DCC: variants seen among roughly 807,000 people sequenced by gnomAD.
The protein encoded by DCC is netrin receptor DCC.
A neutral mutation model predicts 172.5 loss-of-function variants in DCC; 58 were observed. The ratio of observed to expected loss-of-function variants is 0.34; its 90% confidence interval spans 0.27 to 0.42. The LOEUF is 0.42. DCC is among the 10% of genes least tolerant of loss of function. DCC has a pLI of 1.00. For missense variants in DCC, 1,740 were observed against 1,791.0 expected (o/e 0.97, Z 0.51); for synonymous variants, 709 against 644.5 (o/e 1.10, Z -1.52).
intron 2 of DCC, among the ~76,000 whole-genome samples, chr18:52,899,059 C>T (rs958950626): frequency 2.6e-5 from 4 of 152,208 alleles, no homozygotes; most frequent in Admixed American, 2.0e-4. Flanking sequence ...ACCTCTACAC[C>T]AACCCATCTC....
At chr18:52,977,640 C>T (rs7235054) in intron 5 of DCC, among the ~76,000 whole-genome samples, 63,756 of 151,894 alleles carry the variant, frequency 0.42, 13,898 homozygotes, top group Middle Eastern at 0.51. Flanking sequence ...AGTCCCAGCA[C>T]TTTGGGAGGC....
At chr18:53,427,356 G>A (rs1361306864) in intron 21 of DCC, among the ~76,000 whole-genome samples, 1 of 152,110 alleles carries the variant, frequency 6.6e-6, no homozygotes, top group Non-Finnish European at 1.5e-5. Context: ...GGACTTCAGA[G>A]ACCACCATCT....
intron 5 of DCC, among the ~76,000 whole-genome samples, chr18:52,929,378 T>TA (rs201850503): frequency 2.1e-3 from 320 of 151,984 alleles, no homozygotes; most frequent in African/African-American, 6.9e-3. Flanking sequence ...GAAACAGCTA[T>TA]AAAAAAAAGC....
chr18:53,014,181 A>G (rs923398629), intron 5 of DCC, among the ~76,000 whole-genome samples: 4 of 152,314 alleles, frequency 2.6e-5, no homozygotes, highest in African/African-American at 4.8e-5. Context: ...CATTTAGATC[A>G]TTGTAAGTAA....
chr18:52,649,197 C>T (rs1388631385), intron 1 of DCC, among the ~76,000 whole-genome samples: 1 of 152,002 alleles, frequency 6.6e-6, no homozygotes, highest in African/African-American at 2.4e-5. Context: ...CACGGTAAAA[C>T]CCCGTCTCTA....
At chr18:53,222,356 CCTTTTT>C (rs2055948494) in intron 12 of DCC, among the ~76,000 whole-genome samples, 1 of 145,722 alleles carries the variant, frequency 6.9e-6, no homozygotes, top group African/African-American at 2.6e-5. Context: ...AGAATACTTA[CCTTTTT>C]CTTTTTTCTT....
chr18:52,844,317 T>C (rs2038851296), intron 2 of DCC, among the ~76,000 whole-genome samples: 1 of 70,518 alleles, frequency 1.4e-5, no homozygotes, highest in Non-Finnish European at 3.2e-5. Flanking sequence ...GATACATAGA[T>C]AGGCAGACAG....
intron 1 of DCC, among the ~76,000 whole-genome samples, chr18:52,574,878 C>G (rs1343140397): frequency 6.6e-6 from 1 of 152,098 alleles, no homozygotes; most frequent in Non-Finnish European, 1.5e-5. Context: ...TGTGAATAGG[C>G]TTCCATACAA....
intron 9 of DCC, among the ~76,000 whole-genome samples, chr18:53,203,944 G>A (rs2055583864): frequency 6.6e-6 from 1 of 152,124 alleles, no homozygotes. Flanking sequence ...AAAATTTGCA[G>A]AGAATCAAAA....
At chr18:52,957,518 A>G (rs984628730) in intron 5 of DCC, among the ~76,000 whole-genome samples, 2 of 152,202 alleles carry the variant, frequency 1.3e-5, no homozygotes, top group South Asian at 2.1e-4. Flanking sequence ...TACCATCCAC[A>G]TAATTAATAT....
At chr18:53,455,566 A>G (rs180886480) in intron 23 of DCC, among the ~76,000 whole-genome samples, 5 of 152,376 alleles carry the variant, frequency 3.3e-5, no homozygotes, top group East Asian at 1.9e-4. Flanking sequence ...TTGCATGTCA[A>G]TAATGGAAAG....
intron 12 of DCC, among the ~76,000 whole-genome samples, chr18:53,235,096 T>C (rs2144624141): frequency 6.6e-6 from 1 of 152,324 alleles, no homozygotes; most frequent in East Asian, 1.9e-4. Context: ...AATGTCATTA[T>C]TTCAAATGAC....
chr18:53,167,048 A>AT (rs1175213433), intron 8 of DCC, among the ~76,000 whole-genome samples: 2 of 152,134 alleles, frequency 1.3e-5, no homozygotes, highest in East Asian at 3.9e-4. Flanking sequence ...AGATGCTAAA[A>AT]ATCTTTCCAC....
chr18:52,635,291 G>A (rs1335935879), intron 1 of DCC, among the ~76,000 whole-genome samples: 1 of 152,102 alleles, frequency 6.6e-6, no homozygotes, highest in African/African-American at 2.4e-5. Context: ...TTGATGCAGG[G>A]CAATTCTTTC....
intron 12 of DCC, among the ~76,000 whole-genome samples, chr18:53,264,496 A>AT (rs1178126187): frequency 6.7e-6 from 1 of 149,542 alleles, no homozygotes; most frequent in African/African-American, 2.5e-5. Flanking sequence ...AAAAAAAAAA[A>AT]GAAGAAGAAG....
chr18:52,924,310 A>G (rs941763270), intron 4 of DCC, among the ~76,000 whole-genome samples: 1 of 152,122 alleles, frequency 6.6e-6, no homozygotes, highest in Non-Finnish European at 1.5e-5. Context: ...CTACACTGTT[A>G]TTATATGCAA....
At chr18:52,543,203 A>G (rs117138770) in intron 1 of DCC, among the ~76,000 whole-genome samples, 7,335 of 152,302 alleles carry the variant, frequency 0.048, 217 homozygotes, top group Non-Finnish European at 0.059. Context: ...ATTTCTAATA[A>G]CCATATTCAA....
intron 15 of DCC, among the ~76,000 whole-genome samples, chr18:53,366,851 T>C (rs1054850595): frequency 2.0e-5 from 3 of 152,190 alleles, no homozygotes; most frequent in African/African-American, 7.2e-5. Context: ...CAGTAGAACG[T>C]GTGAGCACTC....
At chr18:52,614,995 G>A (rs2034352809) in intron 1 of DCC, among the ~76,000 whole-genome samples, 1 of 152,146 alleles carries the variant, frequency 6.6e-6, no homozygotes, top group African/African-American at 2.4e-5. Flanking sequence ...GAAAGAAAGG[G>A]AAATATATAT....
Sources: gnomAD v4.1 joint callset for allele counts (sites outside exome capture counted in the v4.1 genomes callset) on GRCh38, gnomAD v4.1.1 for gene constraint, MANE v1.5 for transcripts, NCBI Gene and HGNC (gene_info 2026-07-23, HGNC 2026-07-21) for gene names.